The following ITGB2 variants were observed in gnomAD, a reference collection of about 807,000 sequenced individuals.
The protein encoded by ITGB2 is integrin beta-2.
A neutral mutation model predicts 86.8 loss-of-function variants in ITGB2; 56 were observed. The ratio of observed to expected loss-of-function variants is 0.65; its 90% CI spans 0.52 to 0.81. The LOEUF (loss-of-function observed/expected upper bound fraction) is 0.81. Among genes scored for constraint, ITGB2 ranks in the 30% least tolerant of loss-of-function variants. ITGB2 has a pLI of 0.00. For synonymous variants in ITGB2, 457 were observed against 450.4 expected (o/e 1.01, Z -0.19); for missense variants, 948 against 1,061.2 (o/e 0.89, Z 1.48).
At chr21:44,916,128 G>A (rs2084205995) in intron 1 of ITGB2, among the ~76,000 whole-genome samples, 1 of 152,050 alleles carries the variant, frequency 6.6e-6, no homozygotes, top group South Asian at 2.1e-4. Flanking sequence ...TCACCATATT[G>A]GCCAGGCTGG....
At chr21:44,908,316 G>A in intron 3 of ITGB2, 1 of 473,314 alleles carries the variant, frequency 2.1e-6, no homozygotes, top group East Asian at 3.1e-5. Context: ...AAGAGAGAAA[G>A]CAAAAAGTTG....
intron 8 of ITGB2, among the ~76,000 whole-genome samples, chr21:44,897,872 C>G (rs943971717): frequency 6.6e-6 from 1 of 152,210 alleles, no homozygotes; most frequent in South Asian, 2.1e-4. Flanking sequence ...CTGCTATGGG[C>G]GGAGGCTCCT....
intron 13 of ITGB2, 157 bp from the exon 14 acceptor site, chr21:44,889,052 G>T (rs544325695): frequency 7.0e-6 from 5 of 710,014 alleles, no homozygotes; most frequent in South Asian, 5.1e-5. Context: ...CGGGTGCAGC[G>T]GGTGAACTGG....
intron 1 of ITGB2, among the ~76,000 whole-genome samples, chr21:44,916,738 G>A (rs555347988): frequency 4.0e-5 from 6 of 151,894 alleles, no homozygotes; most frequent in African/African-American, 1.4e-4. Flanking sequence ...CTTGGTGGCG[G>A]GCGCCTGTAA....
chr21:44,925,778 C>A (rs1036270319), upstream of ITGB2, among the ~76,000 whole-genome samples: 7 of 152,132 alleles, frequency 4.6e-5, no homozygotes, highest in Non-Finnish European at 7.3e-5. Context: ...TCACACGGAG[C>A]ATTAAAACAG....
intron 1 of ITGB2, among the ~76,000 whole-genome samples, chr21:44,914,510 G>T (rs1458063645): frequency 1.3e-5 from 2 of 152,238 alleles, no homozygotes; most frequent in African/African-American, 4.8e-5. Flanking sequence ...GGTGAGCAAA[G>T]CTCTGAACAT....
chr21:44,925,805 G>A (rs572205767), upstream of ITGB2, among the ~76,000 whole-genome samples: 1 of 152,300 alleles, frequency 6.6e-6, no homozygotes. Flanking sequence ...GAGGCCGGGC[G>A]CGGGGGCTCA....
chr21:44,908,903 C>T (rs1451951587), intron 3 of ITGB2, among the ~76,000 whole-genome samples: 1 of 152,180 alleles, frequency 6.6e-6, no homozygotes, highest in African/African-American at 2.4e-5. Flanking sequence ...CGCAGCCAGA[C>T]CCAGCGGATT....
At chr21:44,899,919 C>G (rs1392428575) in intron 7 of ITGB2, among the ~76,000 whole-genome samples, 1 of 152,200 alleles carries the variant, frequency 6.6e-6, no homozygotes, top group Non-Finnish European at 1.5e-5. Context: ...AGGGAACGTA[C>G]AGTGGAGGCC....
At position 44,888,915 on chromosome 21, in the gene ITGB2, A is replaced by G; in HGVS notation, c.1878-20T>C. 5.0e-6 allele frequency: 8 copies of G among 1,598,626 alleles called. No individual in the cohort carries two copies. Among genetic ancestry groups the G allele is most frequent in the Non-Finnish European group, 6.8e-6 (8 of 1,178,906 alleles). ...CAGGAGCTGCGGGGAGCCAGGTGTG[A>G]GCATCGGTGCCAGGGTGTGCGGGGG... is the stretch of plus-strand genomic sequence containing the variant. On this transcript the variant is annotated intron_variant, in intron 13 of 15. Coordinates refer to ENST00000652462, the MANE Select transcript of ITGB2 (RefSeq NM_000211.5).
At chr21:44,896,287 G>A (rs774596724) in intron 8 of ITGB2, among the ~76,000 whole-genome samples, 103 of 152,340 alleles carry the variant, frequency 6.8e-4, no homozygotes, top group Non-Finnish European at 1.2e-3. Flanking sequence ...GTAGCCCCAC[G>A]AGGGTGGATC....
At chr21:44,919,246 C>T (rs369297369) in intron 1 of ITGB2, among the ~76,000 whole-genome samples, 27 of 152,254 alleles carry the variant, frequency 1.8e-4, no homozygotes, top group Middle Eastern at 3.4e-3. Flanking sequence ...GGCCCTGGGG[C>T]CGAGGCATGG....
intron 9 of ITGB2, chr21:44,894,388 G>A (rs970326612): frequency 1.7e-5 from 3 of 171,518 alleles, no homozygotes; most frequent in Non-Finnish European, 3.9e-5. Flanking sequence ...GAGCAGTCGG[G>A]ACCTCTGGTG....
intron 1 of ITGB2, among the ~76,000 whole-genome samples, chr21:44,916,417 G>C (rs2084210708): frequency 6.6e-6 from 1 of 152,198 alleles, no homozygotes; most frequent in African/African-American, 2.4e-5. Flanking sequence ...GAAGGAGACT[G>C]TCTGTTCCTG....
chr21:44,900,819 C>T (rs1029129479), intron 6 of ITGB2, among the ~76,000 whole-genome samples: 19 of 152,238 alleles, frequency 1.2e-4, no homozygotes, highest in African/African-American at 4.6e-4. Context: ...GTGGGCCACA[C>T]GCAGAACGAG....
chr21:44,916,583 G>C (rs2084212963), intron 1 of ITGB2, among the ~76,000 whole-genome samples: 1 of 152,122 alleles, frequency 6.6e-6, no homozygotes, highest in African/African-American at 2.4e-5. Context: ...AAAGCTAAGG[G>C]GAGGCCGGGC....
At chr21:44,906,887 C>T in intron 4 of ITGB2, 28 bp downstream of exon 4, 1 of 1,612,476 alleles carries the variant, frequency 6.2e-7, no homozygotes, top group Non-Finnish European at 8.5e-7. Flanking sequence ...CAGACGGTGC[C>T]TGGCACCACC....
chr21:44,910,961 G>C, intron 1 of ITGB2, 176 bp from the exon 2 acceptor site: 1 of 642,714 alleles, frequency 1.6e-6, no homozygotes, highest in East Asian at 2.8e-5. Flanking sequence ...AACAGCCAGG[G>C]AGGGAGGGAT....
chr21:44,887,523 C>T (rs1020824738), intron 14 of ITGB2, among the ~76,000 whole-genome samples: 6 of 152,122 alleles, frequency 3.9e-5, no homozygotes, highest in Non-Finnish European at 8.8e-5. Flanking sequence ...CCCTGTACCC[C>T]TCCTGCCATC....
Sources: allele counts gnomAD v4.1 joint callset (sites outside exome capture counted in the v4.1 genomes callset), GRCh38; gene constraint gnomAD v4.1.1; transcripts MANE v1.5; gene names NCBI Gene and HGNC (gene_info 2026-07-23, HGNC 2026-07-21).